Variants in MICAL2 observed in about 807,000 individuals in gnomAD.
MICAL2 encodes the protein [F-actin]-monooxygenase MICAL2.
MICAL2 carries 77 observed loss-of-function variants against 127.3 expected under a neutral mutation model. That is an observed-to-expected ratio of 0.60 (90% CI 0.50 to 0.73). The LOEUF (loss-of-function observed/expected upper bound fraction) is 0.73. MICAL2 is among the 30% of genes least tolerant of loss of function. MICAL2 has a pLI of 0.00. For synonymous variants in MICAL2, 570 were observed against 551.1 expected (o/e 1.03, Z -0.48); for missense variants, 1,351 against 1,434.4 (o/e 0.94, Z 0.94).
At chr11:12,246,521 C>T (rs1228614285) in intron 21 of MICAL2, among the ~76,000 whole-genome samples, 1 of 152,240 alleles carries the variant, frequency 6.6e-6, no homozygotes, top group Non-Finnish European at 1.5e-5. Flanking sequence ...CAGAAGAGCA[C>T]TGAGCATTGC....
chr11:12,240,947 T>C, intron 17 of MICAL2, 93 bp from the exon 18 acceptor site: 1 of 1,492,656 alleles, frequency 6.7e-7, no homozygotes, highest in Non-Finnish European at 9.1e-7. Flanking sequence ...TCCCTGCTCC[T>C]CTTCTCTTCT....
chr11:12,270,600 C>G (rs145607824), intron 24 of MICAL2, among the ~76,000 whole-genome samples: 1 of 152,336 alleles, frequency 6.6e-6, no homozygotes, highest in Non-Finnish European at 1.5e-5. Context: ...GGCACCATTG[C>G]AGTTCATTTC....
At chr11:12,210,703 T>C (rs899344688) in intron 6 of MICAL2, among the ~76,000 whole-genome samples, 4 of 152,146 alleles carry the variant, frequency 2.6e-5, no homozygotes, top group Admixed American at 2.0e-4. Context: ...ATTTTCAGCT[T>C]GAGTATAGTT....
At chr11:12,346,917 T>C (rs1938964010) in intron 32 of MICAL2, among the ~76,000 whole-genome samples, 1 of 152,188 alleles carries the variant, frequency 6.6e-6, no homozygotes, top group Non-Finnish European at 1.5e-5. Flanking sequence ...ACTTTAGTCC[T>C]TTACACACGA....
intron 21 of MICAL2, among the ~76,000 whole-genome samples, chr11:12,245,263 G>A (rs112250414): frequency 0.012 from 1,843 of 152,082 alleles, 38 homozygotes; most frequent in African/African-American, 0.041. Context: ...CAGCCAGTGC[G>A]TCTGGCTCCC....
chr11:12,181,755 C>T (rs1271880338), intron 3 of MICAL2, among the ~76,000 whole-genome samples: 1 of 152,226 alleles, frequency 6.6e-6, no homozygotes, highest in African/African-American at 2.4e-5. Flanking sequence ...ATCGCAACTG[C>T]TATTATTTTG....
chr11:12,331,693 T>G (rs1023205757), intron 32 of MICAL2, among the ~76,000 whole-genome samples: 4 of 152,168 alleles, frequency 2.6e-5, no homozygotes, highest in African/African-American at 9.7e-5. Flanking sequence ...ATACAATTAT[T>G]TACTTTTCTG....
intron 3 of MICAL2, among the ~76,000 whole-genome samples, chr11:12,170,589 T>C (rs1843908130): frequency 6.6e-6 from 1 of 152,242 alleles, no homozygotes; most frequent in South Asian, 2.1e-4. Context: ...TTTAGGGCCC[T>C]GGCCCATGGA....
At chr11:12,360,324 A>G (rs2134919869), downstream of MICAL2, among the ~76,000 whole-genome samples, 1 of 152,278 alleles carries the variant, frequency 6.6e-6, no homozygotes, top group African/African-American at 2.4e-5. Context: ...GAGAAGACCT[A>G]TTAGCACTAA....
intron 4 of MICAL2, 70 bp from the exon 5 acceptor site, chr11:12,207,953 T>C: frequency 2.6e-6 from 3 of 1,162,478 alleles, no homozygotes; most frequent in Non-Finnish European, 3.9e-6. Flanking sequence ...GCAGTGATTA[T>C]GTAGCATTCT....
intron 1 of MICAL2, among the ~76,000 whole-genome samples, chr11:12,112,329 C>T (rs1208947067): frequency 6.6e-6 from 1 of 152,176 alleles, no homozygotes; most frequent in East Asian, 1.9e-4. Context: ...CCAAGTTGTT[C>T]AACCTGCAAA....
intron 29 of MICAL2, chr11:12,303,919 CCCA>C (rs1007940179): frequency 6.6e-6 from 1 of 152,168 alleles, no homozygotes; most frequent in Non-Finnish European, 1.5e-5. Flanking sequence ...TGCTCATAGT[CCCA>C]CCTACTCAGC....
downstream of MICAL2, among the ~76,000 whole-genome samples, chr11:12,268,708 C>T (rs558518844): frequency 3.3e-5 from 5 of 152,118 alleles, no homozygotes; most frequent in Non-Finnish European, 5.9e-5. Flanking sequence ...GAGGCCAACT[C>T]GGCCGGGCGC....
At chr11:12,299,624 A>T (rs1864023554) in intron 29 of MICAL2, among the ~76,000 whole-genome samples, 1 of 152,216 alleles carries the variant, frequency 6.6e-6, no homozygotes, top group South Asian at 2.1e-4. Context: ...CTTGTGTATA[A>T]TTAAAGAACA....
At chr11:12,245,777 C>T (rs1409721847) in intron 21 of MICAL2, among the ~76,000 whole-genome samples, 3 of 152,208 alleles carry the variant, frequency 2.0e-5, no homozygotes, top group Non-Finnish European at 4.4e-5. Flanking sequence ...TTTGTCATCA[C>T]CATCAGCAAG....
intron 31 of MICAL2, among the ~76,000 whole-genome samples, chr11:12,325,437 T>A (rs1864343630): frequency 6.6e-6 from 1 of 152,210 alleles, no homozygotes; most frequent in Non-Finnish European, 1.5e-5. Flanking sequence ...AGAATGACAC[T>A]GTATTCGTCT....
rs569668619 is a variant in MICAL2, at chr11:12,256,671, G to A, written c.2956-114G>A. On this transcript the variant is annotated intron_variant, in intron 23 of 27. Transcript: ENST00000683283. ...TTTGCTGCAGTGGCAGTAGCAGGAA[G>A]CAGAAGCCCACGAGGTCCCCAGCAT... The A allele has an allele frequency of 2.4e-5, 24 of 1,006,212 alleles. No individual in the cohort carries two copies. In the African/African-American group the frequency reaches 3.3e-4, roughly 14 times the overall value. 62.3% of individuals were successfully genotyped at this position (1,006,212 alleles called of 1,614,324 possible). A position where few individuals can be genotyped will look rare whatever the true frequency, so the allele number is the denominator to read the frequency against.
chr11:12,246,284 G>A (rs1224357302), intron 21 of MICAL2, among the ~76,000 whole-genome samples: 4 of 152,258 alleles, frequency 2.6e-5, no homozygotes, highest in African/African-American at 7.2e-5. Context: ...GCCTGCTGCT[G>A]TCTCTGGCTC....
At chr11:12,291,151 G>T (rs1400839372), downstream of MICAL2, among the ~76,000 whole-genome samples, 1 of 152,270 alleles carries the variant, frequency 6.6e-6, no homozygotes, top group African/African-American at 2.4e-5. Flanking sequence ...GTGCCACCAC[G>T]GTTCATGGGA....
Sources: gnomAD v4.1 joint callset for allele counts (sites outside exome capture counted in the v4.1 genomes callset) on GRCh38, gnomAD v4.1.1 for gene constraint, MANE v1.5 for transcripts, NCBI Gene and HGNC (gene_info 2026-07-23, HGNC 2026-07-21) for gene names.